VPS13B: variants seen among roughly 807,000 people sequenced by gnomAD.
VPS13B encodes intermembrane lipid transfer protein VPS13B.
VPS13B carries 285 observed loss-of-function variants against 426.4 expected under a neutral mutation model. The observed-to-expected ratio is 0.67, with a 90% CI of 0.61 to 0.74. The LOEUF (loss-of-function observed/expected upper bound fraction) is 0.74, where lower values mean the gene tolerates loss of function less well. Ranked by LOEUF, VPS13B falls within the 30% of genes least tolerant of loss-of-function variation. The pLI is 0.00. For missense variants in VPS13B, 4,537 were observed against 4,782.6 expected (o/e 0.95, Z 1.51); for synonymous variants, 1,676 against 1,676.4 (o/e 1.00, Z 0.01).
In VPS13B at chr8:99,014,721, A is replaced by G. The variant is rs573450236; in HGVS notation, c.147+786A>G. Among the ~76,000 whole-genome samples, 16 of 151,260 alleles carry G rather than the reference A, an allele frequency of 1.1e-4. 2 individuals carry two copies. The South Asian group carries it at 3.3e-3, about 32-fold the overall frequency. On this transcript the variant is annotated intron_variant, in intron 2 of 61. Transcript: ENST00000357162. ...AAAAAAAAAAAAAAAGAGCAGATTC[A>G]GATCATGAGGAAAGATGACATTTCC...
At chr8:99,027,719 TTTTTTTTA>T (rs1429720774) in intron 2 of VPS13B, among the ~76,000 whole-genome samples, 456 of 151,948 alleles carry the variant, frequency 3.0e-3, no homozygotes, top group Non-Finnish European at 4.5e-3. Context: ...CTGCTGTTAG[TTTTTTTTA>T]TTTTTTTATT....
intron 19 of VPS13B, among the ~76,000 whole-genome samples, chr8:99,375,330 T>G (rs1319575123): frequency 1.3e-5 from 2 of 152,234 alleles, no homozygotes; most frequent in Non-Finnish European, 2.9e-5. Flanking sequence ...TAGTTTTTAT[T>G]CATTGGATTC....
intron 33 of VPS13B, among the ~76,000 whole-genome samples, chr8:99,599,103 A>G (rs976766180): frequency 6.6e-6 from 1 of 151,836 alleles, no homozygotes; most frequent in Non-Finnish European, 1.5e-5. Flanking sequence ...ACTATATTCA[A>G]CTCTCTATGA....
chr8:99,220,489 A>G (rs1416478180), intron 17 of VPS13B, among the ~76,000 whole-genome samples: 4 of 152,212 alleles, frequency 2.6e-5, no homozygotes, highest in African/African-American at 9.6e-5. Context: ...GTCATTTCCA[A>G]ATTTGTCAGA....
In VPS13B at chr8:99,304,745, A is replaced by G. The variant is rs1380905570; in HGVS notation, c.2824+29491A>G. Among the ~76,000 whole-genome samples the G allele has an allele frequency of 2.6e-5, 4 of 152,250 alleles. No homozygotes were observed. In the East Asian group the frequency reaches 7.7e-4, roughly 29 times the overall value. The stretch of plus-strand genomic sequence containing the variant: ...CATTCATAATCCTAGGGATCATCCT[A>G]AACGTTTCTGTTCTCTCATTTTCCA... On this transcript the variant is annotated intron_variant, in intron 19 of 61. Transcript: ENST00000357162.
intron 56 of VPS13B, among the ~76,000 whole-genome samples, chr8:99,855,773 TAAC>T (rs767656121): frequency 1.4e-4 from 21 of 152,218 alleles, no homozygotes; most frequent in South Asian, 4.1e-4. Context: ...TTATAAAAGA[TAAC>T]AACAAGATCA....
chr8:99,755,038 G>A (rs969003944), intron 39 of VPS13B, among the ~76,000 whole-genome samples: 1 of 152,136 alleles, frequency 6.6e-6, no homozygotes, highest in African/African-American at 2.4e-5. Context: ...ACGGGAATGA[G>A]ATGTCCATGG....
At chr8:99,137,592 G>A (rs887037612) in intron 12 of VPS13B, among the ~76,000 whole-genome samples, 8 of 151,838 alleles carry the variant, frequency 5.3e-5, no homozygotes, top group Admixed American at 5.2e-4. Context: ...AGTTGATCTT[G>A]AAGTAAATTT....
At position 99,467,613 on chromosome 8, in the gene VPS13B, G is replaced by A. The variant is rs751086826; in HGVS notation, c.3645G>A (p.Glu1215=). The A allele has an allele frequency of 1.9e-6, 3 of 1,610,748 alleles. 1 individual carries two copies. Among genetic ancestry groups the A allele is most frequent in the Middle Eastern group, 1.7e-4 (1 of 6,054 alleles). ...VCLHVDLESL[E]IKCSNPQVQL... is the part of the protein sequence containing the mutation. ...TCCATGTTGACCTAGAGTCACTAGAGATAAAATGCTCTAATCCCCAGGTTG... is the reference window on the plus strand; with the variant it reads ...TCCATGTTGACCTAGAGTCACTAGAAATAAAATGCTCTAATCCCCAGGTTG... The change falls in exon 24 of 62, where the codon GAG becomes GAA. Residue 1215 remains glutamate, a synonymous_variant. Transcript: ENST00000357162.
intron 40 of VPS13B, 143 bp from the exon 41 acceptor site, chr8:99,776,632 T>A (rs1811754630): frequency 1.2e-6 from 1 of 823,658 alleles, no homozygotes; most frequent in East Asian, 2.6e-5. Context: ...CTAATTTACA[T>A]AGGAAAATAC....
At chr8:99,602,370 T>C (rs149690461) in intron 33 of VPS13B, among the ~76,000 whole-genome samples, 2,911 of 152,322 alleles carry the variant, frequency 0.019, 45 homozygotes, top group South Asian at 0.058. Flanking sequence ...TCAATTTTGG[T>C]ACCAGTACCA....
rs1282761674 is a variant in VPS13B, at chr8:99,865,554, CA to C, written c.11216-2734del. Among the ~76,000 whole-genome samples the C allele has an allele frequency of 6.6e-5, 10 of 152,362 alleles. No homozygotes were observed. In the East Asian group the frequency reaches 1.9e-3, roughly 29 times the overall value. On this transcript the variant is annotated intron_variant, in intron 58 of 61. Coordinates refer to ENST00000357162, the MANE Select transcript of VPS13B (RefSeq NM_152564.5). Reference sequence around the variant, plus strand: ...CTCAAGAGTTGCACATCCCAAGAGACAGCCCTTAAGAGTCATCCCTCCAATA... The same window carrying C: ...CTCAAGAGTTGCACATCCCAAGAGACGCCCTTAAGAGTCATCCCTCCAATA...
chr8:99,732,078 GAAGAATCACAAGAACAT>G (rs1228626418), intron 39 of VPS13B, among the ~76,000 whole-genome samples: 49 of 152,326 alleles, frequency 3.2e-4, no homozygotes, highest in Middle Eastern at 6.8e-3. Flanking sequence ...AGTCTCTCGT[GAAGAATCACAAGAACAT>G]AAGAGACACT....
intron 31 of VPS13B, among the ~76,000 whole-genome samples, chr8:99,557,480 T>C (rs1824649964): frequency 6.6e-6 from 1 of 152,154 alleles, no homozygotes; most frequent in South Asian, 2.1e-4. Context: ...TGTTTCATTC[T>C]TTTTTATGGC....
intron 30 of VPS13B, among the ~76,000 whole-genome samples, chr8:99,530,837 C>T (rs1052430026): frequency 2.0e-5 from 3 of 152,048 alleles, no homozygotes; most frequent in African/African-American, 7.2e-5. Context: ...TTCTCCTAGG[C>T]CACACGTAAT....
intron 8 of VPS13B, among the ~76,000 whole-genome samples, chr8:99,122,883 C>T (rs370898001): frequency 4.0e-5 from 6 of 151,674 alleles, no homozygotes; most frequent in Admixed American, 2.0e-4. Context: ...GAGGCCGAGG[C>T]GGCCAGATCA....
At chr8:99,215,086 T>C (rs547670012) in intron 17 of VPS13B, among the ~76,000 whole-genome samples, 1 of 152,222 alleles carries the variant, frequency 6.6e-6, no homozygotes, top group African/African-American at 2.4e-5. Flanking sequence ...GCATGTCTGA[T>C]TTTTTTCCCT....
intron 21 of VPS13B, among the ~76,000 whole-genome samples, chr8:99,410,319 T>C (rs11989163): frequency 0.072 from 10,978 of 152,170 alleles, 473 homozygotes; most frequent in African/African-American, 0.12. Context: ...ACCTCTAGTA[T>C]ACCAGTTGCA....
chr8:99,614,946 C>T (rs528770602), intron 33 of VPS13B, among the ~76,000 whole-genome samples: 9 of 151,672 alleles, frequency 5.9e-5, no homozygotes, highest in Non-Finnish European at 5.9e-5. Context: ...GGAGAAACCC[C>T]GTCTCTACTA....
Sources: gnomAD v4.1 joint callset for allele counts (sites outside exome capture counted in the v4.1 genomes callset) on GRCh38, gnomAD v4.1.1 for gene constraint, MANE v1.5 for transcripts, NCBI Gene and HGNC (gene_info 2026-07-23, HGNC 2026-07-21) for gene names.